Variants in LCLAT1 observed in about 807,000 individuals in gnomAD.
LCLAT1 encodes the protein lysocardiolipin acyltransferase 1.
In LCLAT1, 11 loss-of-function variants were observed where a neutral mutation model predicts 30.7. The ratio of observed to expected loss-of-function variants is 0.36; its 90% CI spans 0.23 to 0.59. LCLAT1 has a LOEUF of 0.59. LCLAT1 is among the 20% of genes least tolerant of loss of function. The pLI, the probability that LCLAT1 is intolerant of heterozygous loss-of-function variation, is 0.77. For synonymous variants in LCLAT1, 155 were observed against 151.3 expected (o/e 1.02, Z -0.18); for missense variants, 402 against 458.6 (o/e 0.88, Z 1.13).
At chr2:30,474,769 C>G (rs1682964754) in intron 1 of LCLAT1, among the ~76,000 whole-genome samples, 1 of 151,450 alleles carries the variant, frequency 6.6e-6, no homozygotes, top group South Asian at 2.1e-4. Flanking sequence ...CTGGCACAGC[C>G]TCCTGTGTAG....
intron 1 of LCLAT1, among the ~76,000 whole-genome samples, chr2:30,493,556 TC>T (rs1417994020): frequency 5.3e-5 from 8 of 152,220 alleles, no homozygotes; most frequent in African/African-American, 1.9e-4. Context: ...TGACTTTTTT[TC>T]TTTTGGCATA....
intron 5 of LCLAT1, among the ~76,000 whole-genome samples, chr2:30,616,707 T>C (rs965161373): frequency 1.5e-4 from 23 of 152,084 alleles, no homozygotes; most frequent in Admixed American, 1.4e-3. Context: ...GATCCCTTAA[T>C]TAGGGAATTA....
chr2:30,461,192 T>C (rs74357219), intron 1 of LCLAT1, among the ~76,000 whole-genome samples: 45 of 152,312 alleles, frequency 3.0e-4, no homozygotes, highest in Non-Finnish European at 5.6e-4. Flanking sequence ...GAAACCTTGC[T>C]CTTTAACTTG....
chr2:30,537,748 T>G lies in LCLAT1; in HGVS notation c.364+4434T>G, dbSNP rs530024985. 1.7e-3 allele frequency among the ~76,000 whole-genome samples: 253 copies of G among 152,258 alleles called. 1 individual carries two copies. The highest frequency in any genetic ancestry group is 5.8e-3 in the African/African-American group (241 of 41,538). ...TAGACCAAGTGGACCTAACAGATAT[T>G]TAAATAATATTTAACAGCCACAGAA... On this transcript the variant is annotated intron_variant, in intron 3 of 5. Coordinates refer to ENST00000379509, the MANE Select transcript of LCLAT1 (RefSeq NM_001002257.3).
chr2:30,584,689 T>C (rs1340304825), intron 5 of LCLAT1, among the ~76,000 whole-genome samples: 1 of 152,234 alleles, frequency 6.6e-6, no homozygotes, highest in Non-Finnish European at 1.5e-5. Flanking sequence ...CAAAAAATGT[T>C]CTATGATGGC....
intron 4 of LCLAT1, among the ~76,000 whole-genome samples, chr2:30,567,599 A>G (rs953393782): frequency 6.6e-6 from 1 of 152,212 alleles, no homozygotes; most frequent in South Asian, 2.1e-4. Flanking sequence ...GCTAAAGTCA[A>G]AGTAATGCCA....
intron 1 of LCLAT1, among the ~76,000 whole-genome samples, chr2:30,463,287 A>G (rs1250528678): frequency 6.6e-6 from 1 of 151,998 alleles, no homozygotes; most frequent in Admixed American, 6.5e-5. Context: ...TTTTCACTTT[A>G]TATTATTAGG....
intron 4 of LCLAT1, among the ~76,000 whole-genome samples, chr2:30,565,534 A>T (rs1453491507): frequency 6.6e-6 from 1 of 152,180 alleles, no homozygotes; most frequent in Non-Finnish European, 1.5e-5. Flanking sequence ...TAGCCATCAC[A>T]ATTAGTATGT....
intron 3 of LCLAT1, among the ~76,000 whole-genome samples, chr2:30,554,915 TATGA>T (rs1464459837): frequency 6.6e-6 from 1 of 151,948 alleles, no homozygotes; most frequent in Non-Finnish European, 1.5e-5. Flanking sequence ...CAGCTGAAAA[TATGA>T]ATGAAGAGAA....
chr2:30,598,761 A>G (rs1296014490), intron 5 of LCLAT1, among the ~76,000 whole-genome samples: 2 of 151,974 alleles, frequency 1.3e-5, no homozygotes, highest in East Asian at 3.9e-4. Flanking sequence ...TCAATTTGAG[A>G]TCTTTCTAGC....
intron 1 of LCLAT1, among the ~76,000 whole-genome samples, chr2:30,464,551 A>G (rs922517748): frequency 6.6e-6 from 1 of 152,250 alleles, no homozygotes; most frequent in Non-Finnish European, 1.5e-5. Flanking sequence ...AATGTAGAAG[A>G]GAAAGAACGC....
chr2:30,548,278 T>C (rs1664517045), intron 3 of LCLAT1, among the ~76,000 whole-genome samples: 1 of 152,130 alleles, frequency 6.6e-6, no homozygotes, highest in African/African-American at 2.4e-5. Flanking sequence ...GACCATGGCC[T>C]GTAACACAGC....
chr2:30,609,695 A>G (rs1290062666), intron 5 of LCLAT1, among the ~76,000 whole-genome samples: 1 of 152,262 alleles, frequency 6.6e-6, no homozygotes, highest in Admixed American at 6.5e-5. Flanking sequence ...GCCCACAGTG[A>G]TCCTGTCCTC....
At chr2:30,490,264 A>G (rs1163621210) in intron 1 of LCLAT1, among the ~76,000 whole-genome samples, 2 of 144,376 alleles carry the variant, frequency 1.4e-5, no homozygotes, top group African/African-American at 2.6e-5. Context: ...GTGCAGTGGC[A>G]CAATCTCAGC....
intron 1 of LCLAT1, among the ~76,000 whole-genome samples, chr2:30,498,131 G>A (rs557671847): frequency 4.5e-4 from 69 of 152,288 alleles, no homozygotes; most frequent in Middle Eastern, 6.8e-3. Context: ...TTTAATAAGC[G>A]AAAGAGAAAA....
chr2:30,568,665 G>A (rs985194833), intron 5 of LCLAT1, among the ~76,000 whole-genome samples: 11 of 150,350 alleles, frequency 7.3e-5, no homozygotes, highest in African/African-American at 2.4e-4. Context: ...CCACCACCAC[G>A]CCCAGCTAAT....
At chr2:30,628,398 A>G (rs952028145) in intron 5 of LCLAT1, among the ~76,000 whole-genome samples, 4 of 152,168 alleles carry the variant, frequency 2.6e-5, no homozygotes, top group African/African-American at 9.7e-5. Context: ...GTTTTTTGGG[A>G]GGGATATAAG....
At chr2:30,468,622 C>G (rs1248077596) in intron 1 of LCLAT1, among the ~76,000 whole-genome samples, 2 of 152,080 alleles carry the variant, frequency 1.3e-5, no homozygotes, top group Admixed American at 1.3e-4. Context: ...TGTGCCACCA[C>G]CACTGCTGTC....
In LCLAT1 at chr2:30,464,020, A is replaced by G. The variant is rs116773025; in HGVS notation, c.-5+16637A>G. ...TGTAAAAATGTATATGTGTTTTATA[A>G]TTTGCCAGCCATGCTGAATTTGCCT... On this transcript the variant is annotated intron_variant, in intron 1 of 5. Coordinates refer to ENST00000379509, the MANE Select transcript of LCLAT1 (RefSeq NM_001002257.3). Among the ~76,000 whole-genome samples, 538 of 152,276 alleles carry G rather than the reference A, an allele frequency of 3.5e-3. 1 individual carries two copies. Among genetic ancestry groups the G allele is most frequent in the African/African-American group, 0.011 (466 of 41,562 alleles).
Sources: gnomAD v4.1 joint callset for allele counts (sites outside exome capture counted in the v4.1 genomes callset) on GRCh38, gnomAD v4.1.1 for gene constraint, MANE v1.5 for transcripts, NCBI Gene and HGNC (gene_info 2026-07-23, HGNC 2026-07-21) for gene names.